FLI1: variants seen among roughly 807,000 people sequenced by gnomAD.
FLI1 encodes the protein Friend leukemia integration 1 transcription factor.
FLI1 carries 13 observed loss-of-function variants against 53.1 expected under a neutral mutation model. The ratio of observed to expected loss-of-function variants is 0.24; its 90% CI spans 0.16 to 0.39. FLI1 has a LOEUF of 0.39. FLI1 is among the 10% of genes least tolerant of loss of function. The pLI, the probability that FLI1 is intolerant of heterozygous loss-of-function variation, is 1.00. For synonymous variants in FLI1, 244 were observed against 236.7 expected (o/e 1.03, Z -0.28); for missense variants, 424 against 600.5 (o/e 0.71, Z 3.07).
chr11:128,809,080 T>C (rs1230750401), intron 7 of FLI1, 77 bp from the exon 8 acceptor site: 1 of 1,178,532 alleles, frequency 8.5e-7, no homozygotes. Context: ...TATAAACCCT[T>C]ATGGTTTTCT....
chr11:128,711,245 A>G (rs1938773357), intron 1 of FLI1, among the ~76,000 whole-genome samples: 1 of 152,244 alleles, frequency 6.6e-6, no homozygotes, highest in African/African-American at 2.4e-5. Context: ...GCATCATTCA[A>G]GTTAAAAACA....
chr11:128,735,122 A>G (rs1939866492), intron 1 of FLI1, among the ~76,000 whole-genome samples: 2 of 152,222 alleles, frequency 1.3e-5, no homozygotes. Context: ...TCTCCAGTTT[A>G]TTAGAGTAAT....
upstream of FLI1, chr11:128,686,447 G>C (rs549280344): frequency 6.6e-6 from 3 of 456,322 alleles, no homozygotes; most frequent in Middle Eastern, 3.3e-4. Context: ...GCCCGGGGAC[G>C]GGACTGAGGC....
intron 1 of FLI1, among the ~76,000 whole-genome samples, chr11:128,724,701 C>T (rs1939398349): frequency 6.6e-6 from 1 of 152,158 alleles, no homozygotes; most frequent in Non-Finnish European, 1.5e-5. Flanking sequence ...CAAGAGCACA[C>T]ATCGTCTTGA....
intron 4 of FLI1, 26 bp downstream of exon 4, chr11:128,773,011 C>A: frequency 1.9e-6 from 3 of 1,605,282 alleles, no homozygotes; most frequent in Non-Finnish European, 2.6e-6. Context: ...GTACCCAGGG[C>A]TGGGAGGAAG....
intron 1 of FLI1, among the ~76,000 whole-genome samples, chr11:128,710,083 G>T (rs748203516): frequency 1.3e-5 from 2 of 152,214 alleles, no homozygotes; most frequent in African/African-American, 2.4e-5. Context: ...GGCCAGGAAA[G>T]CTGGGTTGGT....
intron 1 of FLI1, among the ~76,000 whole-genome samples, chr11:128,698,093 A>G (rs1415157428): frequency 2.0e-5 from 3 of 152,230 alleles, no homozygotes; most frequent in Non-Finnish European, 2.9e-5. Flanking sequence ...ACAGCCCGAA[A>G]GAAGGGCCAG....
chr11:128,770,038 G>A (rs1318550189), intron 3 of FLI1, among the ~76,000 whole-genome samples: 1 of 152,204 alleles, frequency 6.6e-6, no homozygotes, highest in African/African-American at 2.4e-5. Flanking sequence ...AGGGTTTGGG[G>A]ATCTGAGATT....
intron 5 of FLI1, among the ~76,000 whole-genome samples, chr11:128,783,849 T>A (rs965765275): frequency 6.6e-6 from 1 of 152,014 alleles, no homozygotes; most frequent in South Asian, 2.1e-4. Context: ...ACATACTGAG[T>A]TTTATTTCAT....
upstream of FLI1, chr11:128,693,523 C>T (rs1439182691): frequency 5.6e-6 from 1 of 177,178 alleles, no homozygotes; most frequent in Non-Finnish European, 1.2e-5. Context: ...ACCCCCCCTA[C>T]CCCACCCCCA....
At chr11:128,693,941 CGAGAGA>C (rs57930585), upstream of FLI1, 19,237 of 172,806 alleles carry the variant, frequency 0.11, 383 homozygotes, top group East Asian at 0.12. Context: ...GAGCTCGAGG[CGAGAGA>C]GAGAGAGAGA....
At chr11:128,698,837 T>C (rs1163244217) in intron 1 of FLI1, among the ~76,000 whole-genome samples, 1 of 152,030 alleles carries the variant, frequency 6.6e-6, no homozygotes, top group Non-Finnish European at 1.5e-5. Context: ...TAAATAAAAT[T>C]GTATCACTAC....
chr11:128,797,712 G>T (rs1034340695), intron 5 of FLI1, among the ~76,000 whole-genome samples: 1 of 152,182 alleles, frequency 6.6e-6, no homozygotes, highest in African/African-American at 2.4e-5. Flanking sequence ...ATGAATAAAT[G>T]TGTGGTGGGA....
chr11:128,713,713 C>A (rs761056149), intron 1 of FLI1, among the ~76,000 whole-genome samples: 9 of 151,984 alleles, frequency 5.9e-5, no homozygotes, highest in Non-Finnish European at 1.2e-4. Context: ...AACGTGGGGA[C>A]CTAACCTAGT....
At chr11:128,695,363 G>T (rs183313434) in intron 1 of FLI1, among the ~76,000 whole-genome samples, 2 of 152,356 alleles carry the variant, frequency 1.3e-5, no homozygotes, top group East Asian at 3.9e-4. Flanking sequence ...CCAGGGGTTA[G>T]CTTCGAGGCT....
intron 2 of FLI1, chr11:128,764,969 T>G: frequency 1.1e-6 from 1 of 924,416 alleles, no homozygotes; most frequent in Non-Finnish European, 1.7e-6. Flanking sequence ...ACAGGGCCAT[T>G]TTCCAGAGGA....
upstream of FLI1, chr11:128,686,439 CCGGGG>C (rs1865804617): frequency 6.6e-6 from 3 of 456,158 alleles, no homozygotes; most frequent in Admixed American, 7.1e-5. Flanking sequence ...GGCCTGAAGC[CCGGGG>C]ACGGGACTGA....
At chr11:128,793,510 C>T (rs1473692727) in intron 5 of FLI1, among the ~76,000 whole-genome samples, 1 of 152,174 alleles carries the variant, frequency 6.6e-6, no homozygotes, top group Non-Finnish European at 1.5e-5. Context: ...GCCAGGGCTT[C>T]ATCCCAATGC....
chr11:128,796,269 C>A (rs941315791), intron 5 of FLI1, among the ~76,000 whole-genome samples: 2 of 152,182 alleles, frequency 1.3e-5, no homozygotes, highest in Admixed American at 6.5e-5. Context: ...GAAAATCATT[C>A]TTGGTATCAT....
Sources: gnomAD v4.1 joint callset for allele counts (sites outside exome capture counted in the v4.1 genomes callset) on GRCh38, gnomAD v4.1.1 for gene constraint, MANE v1.5 for transcripts, NCBI Gene and HGNC (gene_info 2026-07-23, HGNC 2026-07-21) for gene names.